The following CNBD1 variants were observed in gnomAD, a reference collection of about 807,000 sequenced individuals.
CNBD1 encodes the protein cyclic nucleotide binding domain containing 1.
A neutral mutation model predicts 54.4 loss-of-function variants in CNBD1; 71 were observed. The observed-to-expected ratio is 1.30, with a 90% confidence interval of 1.08 to 1.59. The LOEUF is 1.59. CNBD1 is among the 40% of genes most tolerant of loss of function. The probability of loss-of-function intolerance (pLI) is 0.00; values close to 1 mark genes in which losing one functional copy is unlikely to be tolerated. For synonymous variants in CNBD1, 182 were observed against 170.7 expected (o/e 1.07, Z -0.51); for missense variants, 659 against 518.0 (o/e 1.27, Z -2.64).
At chr8:87,080,921 G>T (rs971727119) in intron 4 of CNBD1, among the ~76,000 whole-genome samples, 2 of 151,432 alleles carry the variant, frequency 1.3e-5, no homozygotes, top group Non-Finnish European at 1.5e-5. Flanking sequence ...TCAGTAGTTT[G>T]CTTCTTTTTT....
chr8:86,939,675 G>C lies in CNBD1; in HGVS notation c.352G>C (p.Ala118Pro). ...SNNIAVHVQR[A>P]HGGHILYRPK... ...CAATATAGCTGTCCATGTTCAGAGA[G>C]CACATGGTGGCCATATTTTATATAG... Residue 118 changes from alanine to proline, a missense_variant, in exon 4 of 11, where the codon GCA becomes CCA. By Grantham distance (27) the Ala-to-Pro change is conservative (BLOSUM62 -1). Coordinates refer to ENST00000518476, the MANE Select transcript of CNBD1 (RefSeq NM_173538.3). The C allele has an allele frequency of 6.2e-7, 1 of 1,604,304 alleles. No individual in the cohort carries two copies. Among genetic ancestry groups the C allele is most frequent in the Non-Finnish European group, 8.5e-7 (1 of 1,173,630 alleles).
intron 6 of CNBD1, among the ~76,000 whole-genome samples, chr8:87,257,369 CAAAAA>C (rs771338208): frequency 1.5e-5 from 1 of 67,554 alleles, no homozygotes; most frequent in African/African-American, 5.6e-5. Context: ...AACTCTATCG[CAAAAA>C]AAAAAAAAAA....
At chr8:87,126,664 GT>G (rs1008416536) in intron 4 of CNBD1, among the ~76,000 whole-genome samples, 15 of 151,682 alleles carry the variant, frequency 9.9e-5, no homozygotes, top group African/African-American at 2.2e-4. Context: ...AAGTTTAACA[GT>G]TTTTTTTATG....
chr8:86,937,828 A>T (rs1050116115), intron 3 of CNBD1, among the ~76,000 whole-genome samples: 7 of 152,282 alleles, frequency 4.6e-5, no homozygotes, highest in African/African-American at 1.7e-4. Context: ...TGTCTTGGAG[A>T]GTAACATTTG....
At chr8:87,231,225 C>T (rs770026677) in intron 5 of CNBD1, among the ~76,000 whole-genome samples, 12 of 152,058 alleles carry the variant, frequency 7.9e-5, no homozygotes, top group Non-Finnish European at 1.5e-4. Flanking sequence ...TTTAAGTGAA[C>T]ATATATTACT....
chr8:86,960,845 T>C (rs912349990), intron 4 of CNBD1, among the ~76,000 whole-genome samples: 1 of 152,126 alleles, frequency 6.6e-6, no homozygotes, highest in Non-Finnish European at 1.5e-5. Flanking sequence ...TGTTCTGCAG[T>C]CTCCGCTGGT....
chr8:87,238,362 G>A (rs867633937), intron 6 of CNBD1, among the ~76,000 whole-genome samples: 1 of 152,070 alleles, frequency 6.6e-6, no homozygotes, highest in Non-Finnish European at 1.5e-5. Flanking sequence ...AGGGACCATG[G>A]ATATTGCCCA....
intron 10 of CNBD1, among the ~76,000 whole-genome samples, chr8:87,378,690 G>C (rs1379131976): frequency 6.6e-6 from 1 of 150,990 alleles, no homozygotes; most frequent in African/African-American, 2.5e-5. Flanking sequence ...ATTCTGCGAA[G>C]AAAGGCATTG....
chr8:87,027,922 T>C (rs1303108021), intron 4 of CNBD1, among the ~76,000 whole-genome samples: 1 of 152,182 alleles, frequency 6.6e-6, no homozygotes, highest in South Asian at 2.1e-4. Context: ...ATGCTTCCTC[T>C]CTCTCTCAGT....
chr8:87,030,993 T>C (rs915359187), intron 4 of CNBD1, among the ~76,000 whole-genome samples: 14 of 141,682 alleles, frequency 9.9e-5, no homozygotes, highest in Middle Eastern at 3.6e-3. Flanking sequence ...TTTCTCCTTT[T>C]TTTGTAATCT....
intron 8 of CNBD1, among the ~76,000 whole-genome samples, chr8:87,311,218 T>C (rs1371215738): frequency 3.3e-5 from 5 of 152,034 alleles, no homozygotes; most frequent in Admixed American, 3.3e-4. Context: ...AGGTCTGATA[T>C]CTAGAATCTA....
chr8:87,056,274 C>T lies in CNBD1; in HGVS notation c.431+116520C>T, dbSNP rs1425028146. On this transcript the variant is annotated intron_variant, in intron 4 of 10. Coordinates refer to ENST00000518476, the MANE Select transcript of CNBD1 (RefSeq NM_173538.3). ...TTTCCATGGTCATGTGGCCCCATAT[C>T]AGGGCACACTGCTGGGCTGGGAGAT... 2.0e-5 allele frequency among the ~76,000 whole-genome samples: 3 copies of T among 152,246 alleles called. No homozygotes were observed. In the East Asian group the frequency reaches 5.8e-4, roughly 29 times the overall value.
At chr8:87,224,827 C>T (rs1186597179) in intron 5 of CNBD1, among the ~76,000 whole-genome samples, 1 of 150,780 alleles carries the variant, frequency 6.6e-6, no homozygotes, top group East Asian at 1.9e-4. Flanking sequence ...TGTAAATTAC[C>T]TTGGGCAGTA....
At chr8:87,269,635 C>A (rs1435168772) in intron 6 of CNBD1, among the ~76,000 whole-genome samples, 1 of 151,792 alleles carries the variant, frequency 6.6e-6, no homozygotes, top group Non-Finnish European at 1.5e-5. Flanking sequence ...GATCTTTTAC[C>A]CCCTTCATAA....
At chr8:86,989,672 A>G (rs1042104406) in intron 4 of CNBD1, among the ~76,000 whole-genome samples, 2 of 152,098 alleles carry the variant, frequency 1.3e-5, no homozygotes, top group Non-Finnish European at 2.9e-5. Flanking sequence ...GCTGGTCTCT[A>G]ACTCCTGAGC....
chr8:87,218,890 T>C (rs2130807141), intron 5 of CNBD1, among the ~76,000 whole-genome samples: 1 of 152,094 alleles, frequency 6.6e-6, no homozygotes, highest in South Asian at 2.1e-4. Context: ...ATCTTCACTG[T>C]ATTTCATTAA....
At chr8:87,148,850 T>G (rs926966825) in intron 4 of CNBD1, among the ~76,000 whole-genome samples, 3 of 152,202 alleles carry the variant, frequency 2.0e-5, no homozygotes, top group African/African-American at 7.2e-5. Flanking sequence ...ATGACTGTTA[T>G]GATACTACAG....
chr8:87,132,244 T>G (rs1401591592), intron 4 of CNBD1, among the ~76,000 whole-genome samples: 1 of 151,908 alleles, frequency 6.6e-6, no homozygotes, highest in Non-Finnish European at 1.5e-5. Flanking sequence ...ATGGCACTAA[T>G]AACTTTTAAA....
intron 4 of CNBD1, among the ~76,000 whole-genome samples, chr8:87,005,314 G>A (rs1655392596): frequency 6.6e-6 from 1 of 151,696 alleles, no homozygotes; most frequent in South Asian, 2.1e-4. Context: ...AGCTTGCGGT[G>A]AGCTGAGATC....
Sources: gnomAD v4.1 joint callset for allele counts (sites outside exome capture counted in the v4.1 genomes callset) on GRCh38, gnomAD v4.1.1 for gene constraint, MANE v1.5 for transcripts, NCBI Gene and HGNC (gene_info 2026-07-23, HGNC 2026-07-21) for gene names.